Variants in CCDC83 observed in about 807,000 individuals in gnomAD.
The protein encoded by CCDC83 is coiled-coil domain containing 83.
CCDC83 carries 54 observed loss-of-function variants against 50.1 expected under a neutral mutation model. The observed-to-expected ratio is 1.08, with a 90% CI of 0.87 to 1.35. CCDC83 has a LOEUF of 1.35. Among genes scored for constraint, CCDC83 ranks in the 40% most tolerant of loss-of-function variants. The pLI is 0.00. For synonymous variants in CCDC83, 161 were observed against 153.3 expected (o/e 1.05, Z -0.37); for missense variants, 518 against 473.9 (o/e 1.09, Z -0.86).
intron 1 of CCDC83, 36 bp from the exon 2 acceptor site, chr11:85,865,060 G>C: frequency 9.3e-7 from 1 of 1,072,010 alleles, no homozygotes; most frequent in Non-Finnish European, 1.4e-6. Flanking sequence ...GGCAAAGATG[G>C]AATTTTTCAC....
chr11:85,911,367 A>G lies in CCDC83; in HGVS notation c.759A>G (p.Leu253=). The change falls in exon 8 of 11, where the codon CTA becomes CTG. Residue 253 remains leucine, a synonymous_variant. Transcript: ENST00000342404. ...AAAATTTGGTGCTTATTGATCAACT[A>G]TCCAACTGTAGACTTGTGGATCTCA... ...EAENLVLIDQ[L]SNCRLVDLKI... 4 of 1,611,324 alleles carry G rather than the reference A, an allele frequency of 2.5e-6. No homozygotes were observed. Among genetic ancestry groups the G allele is most frequent in the Non-Finnish European group, 3.4e-6 (4 of 1,178,914 alleles).
Position 85,919,399 on chromosome 11 carries a change from C to A in CCDC83, c.1131C>A (p.Ser377Arg). Residue 377 changes from serine (S) to arginine (R), a missense_variant, in exon 11 of 11, where the codon AGC (serine) becomes AGA (arginine). Coordinates refer to ENST00000342404, the MANE Select transcript of CCDC83 (RefSeq NM_001286159.2). ...GAGTGAAGCTTATGAGTGTGGAGAG[C>A]AAGAAAATGCCCATTCATTTTCAAG... ...PLGVKLMSVE[S>R]KKMPIHFQEK... 6.2e-7 allele frequency: 1 copy of A among 1,613,650 alleles called. No individual in the cohort carries two copies. Among genetic ancestry groups the A allele is most frequent in the Non-Finnish European group, 8.5e-7 (1 of 1,179,748 alleles).
At chr11:85,913,184 A>T (rs146286499) in intron 8 of CCDC83, among the ~76,000 whole-genome samples, 1 of 152,358 alleles carries the variant, frequency 6.6e-6, no homozygotes, top group East Asian at 1.9e-4. Flanking sequence ...AAGGGAAAAG[A>T]AACACCATGG....
chr11:85,906,555 T>C lies in CCDC83; in HGVS notation c.673-4726T>C, dbSNP rs138879569. 2.0e-3 allele frequency among the ~76,000 whole-genome samples: 303 copies of C among 152,260 alleles called. 1 individual carries two copies. Among genetic ancestry groups the C allele is most frequent in the African/African-American group, 7.0e-3 (289 of 41,568 alleles). On this transcript the variant is annotated intron_variant, in intron 7 of 10. Transcript: ENST00000342404. ...GACAGAAAAAAAAGTCTAAGTTTAATGGCATCAGGAACAAAAAGAGCTTTA... is the reference window on the plus strand; with the variant it reads ...GACAGAAAAAAAAGTCTAAGTTTAACGGCATCAGGAACAAAAAGAGCTTTA...
intron 2 of CCDC83, among the ~76,000 whole-genome samples, chr11:85,872,867 C>T (rs1219332084): frequency 1.3e-5 from 2 of 152,084 alleles, no homozygotes; most frequent in African/African-American, 2.4e-5. Context: ...TCGTTTTTGT[C>T]TAAATGTTTT....
In CCDC83 at chr11:85,866,675, A is replaced by C. The variant is rs567841169; in HGVS notation, c.95+1457A>C. 1.8e-4 allele frequency among the ~76,000 whole-genome samples: 28 copies of C among 152,146 alleles called. 1 individual carries two copies. In the South Asian group the frequency reaches 5.8e-3, roughly 32 times the overall value. Reference sequence around the variant, plus strand: ...TCTCAAAAAAACAAAACAAAAAAAAAAAACAGAAAAAAACATGGCTATAAT... The same window carrying C: ...TCTCAAAAAAACAAAACAAAAAAAACAAACAGAAAAAAACATGGCTATAAT... On this transcript the variant is annotated intron_variant, in intron 2 of 10. Transcript: ENST00000342404.
In CCDC83 at chr11:85,908,604, T is replaced by C. The variant is rs79118143; in HGVS notation, c.673-2677T>C. ...ATAGATAGATAGATAGATAGATAGA[T>C]AGATAGACAGATAGAATTCATGGCC... is the stretch of plus-strand genomic sequence containing the variant. On this transcript the variant is annotated intron_variant, in intron 7 of 10. Transcript: ENST00000342404. Among the ~76,000 whole-genome samples the C allele has an allele frequency of 1.3e-3, 164 of 122,558 alleles. 1 individual carries two copies. Among genetic ancestry groups the C allele is most frequent in the Admixed American group, 2.2e-3 (26 of 11,954 alleles). 80.4% of individuals were successfully genotyped at this position (122,558 alleles called of 152,430 possible).
intron 2 of CCDC83, among the ~76,000 whole-genome samples, chr11:85,865,594 G>A (rs187365182): frequency 3.3e-5 from 5 of 152,160 alleles, no homozygotes; most frequent in Non-Finnish European, 5.9e-5. Flanking sequence ...TACATTTATA[G>A]AGAGTAGAAG....
At chr11:85,855,066 G>T (rs2093131137), upstream of CCDC83, 1 of 152,294 alleles carries the variant, frequency 6.6e-6, no homozygotes, top group Non-Finnish European at 1.5e-5. Flanking sequence ...GGGCGGGTGG[G>T]GAGGGAGTAG....
chr11:85,856,185 A>AG (rs200088062), intron 1 of CCDC83, among the ~76,000 whole-genome samples: 1,413 of 68,116 alleles, frequency 0.021, 17 homozygotes, highest in African/African-American at 0.066. Context: ...TATCTAAGCC[A>AG]AAAAAAAAAA....
At chr11:85,908,426 GCCCGTGGAAGGCA>G (rs2093434903) in intron 7 of CCDC83, among the ~76,000 whole-genome samples, 1 of 151,948 alleles carries the variant, frequency 6.6e-6, no homozygotes, top group South Asian at 2.1e-4. Context: ...GGTGGCGGGC[GCCCGTGGAAGGCA>G]CCCGTGGAGG....
At chr11:85,881,166 C>T (rs1189162766) in intron 3 of CCDC83, among the ~76,000 whole-genome samples, 2 of 151,944 alleles carry the variant, frequency 1.3e-5, no homozygotes, top group Non-Finnish European at 2.9e-5. Context: ...GTCAAGAGTT[C>T]GAGACCAGCC....
rs1046718110 is a variant in CCDC83 at position 85,870,479 on chromosome 11, T to A, written c.96-2732T>A. On this transcript the variant is annotated intron_variant, in intron 2 of 10. Coordinates refer to ENST00000342404, the MANE Select transcript of CCDC83 (RefSeq NM_001286159.2). Reference sequence around the variant, plus strand: ...ATTTTCATTTATAATACTTTTTTTTTAATCTCCTGAAAAACGGGAGGTAGA... The same window carrying A: ...ATTTTCATTTATAATACTTTTTTTTAAATCTCCTGAAAAACGGGAGGTAGA... 7.9e-5 allele frequency among the ~76,000 whole-genome samples: 12 copies of A among 152,332 alleles called. No homozygotes were observed. In the East Asian group the frequency reaches 1.3e-3, roughly 17 times the overall value.
intron 8 of CCDC83, among the ~76,000 whole-genome samples, chr11:85,914,023 T>A (rs2093466587): frequency 6.6e-6 from 1 of 152,194 alleles, no homozygotes; most frequent in Non-Finnish European, 1.5e-5. Flanking sequence ...AACAAAAGAA[T>A]TCTATAGCCT....
intron 2 of CCDC83, among the ~76,000 whole-genome samples, chr11:85,866,487 A>T (rs1428538702): frequency 6.6e-6 from 1 of 152,170 alleles, no homozygotes; most frequent in Non-Finnish European, 1.5e-5. Flanking sequence ...GTTTGAGATC[A>T]GCCTGAGTAA....
At chr11:85,913,513 T>G (rs1174420792) in intron 8 of CCDC83, among the ~76,000 whole-genome samples, 1 of 152,224 alleles carries the variant, frequency 6.6e-6, no homozygotes, top group East Asian at 1.9e-4. Flanking sequence ...TTTTGGTAAC[T>G]TCCCCCTCCA....
At position 85,873,206 on chromosome 11, in the gene CCDC83, C is replaced by G; in HGVS notation, c.96-5C>G. 6.7e-7 allele frequency: 1 copy of G among 1,490,678 alleles called. No individual in the cohort carries two copies. Among genetic ancestry groups the G allele is most frequent in the Non-Finnish European group, 9.1e-7 (1 of 1,100,652 alleles). The allele number at this position is 1,490,678 out of a possible 1,614,324, so 92.3% of individuals were successfully genotyped here. A position where few individuals can be genotyped will look rare whatever the true frequency, so the allele number is the denominator to read the frequency against. On this transcript the variant is annotated splice_polypyrimidine_tract_variant and splice_region_variant and intron_variant, in intron 2 of 10. Coordinates refer to ENST00000342404, the MANE Select transcript of CCDC83 (RefSeq NM_001286159.2). ...CTAACACATTTTATCTTTGTTGATT[C>G]TCAGATGTCAAATAAAGGAAGATGC... is the stretch of plus-strand genomic sequence containing the variant.
chr11:85,872,237 C>A (rs1199752225), intron 2 of CCDC83, among the ~76,000 whole-genome samples: 1 of 152,134 alleles, frequency 6.6e-6, no homozygotes, highest in Non-Finnish European at 1.5e-5. Flanking sequence ...GTAACCCCAG[C>A]ACTTTGAGAG....
Position 85,869,284 on chromosome 11 carries a change from G to A in CCDC83, c.96-3927G>A, listed in dbSNP as rs571452064. 7.2e-4 allele frequency among the ~76,000 whole-genome samples: 109 copies of A among 152,292 alleles called. 2 individuals are homozygous for A. Among genetic ancestry groups the A allele is most frequent in the Non-Finnish European group, 1.1e-3 (73 of 68,028 alleles). ...GTCATGAACTTCTATGGTTGTTTGT[G>A]AAGAACTGATACTAAATCTATAAAC... On this transcript the variant is annotated intron_variant, in intron 2 of 10. Coordinates refer to ENST00000342404, the MANE Select transcript of CCDC83 (RefSeq NM_001286159.2).
Sources: allele counts gnomAD v4.1 joint callset (sites outside exome capture counted in the v4.1 genomes callset), GRCh38; gene constraint gnomAD v4.1.1; transcripts MANE v1.5; gene names NCBI Gene and HGNC (gene_info 2026-07-23, HGNC 2026-07-21).